The following PI4KA variants were observed in gnomAD, a reference collection of about 807,000 sequenced individuals.
PI4KA encodes the protein PI4-kinase alpha.
A neutral mutation model predicts 271.4 loss-of-function variants in PI4KA; 122 were observed. The observed-to-expected ratio is 0.45, with a 90% CI of 0.39 to 0.52. PI4KA has a LOEUF of 0.52. Ranked by LOEUF, PI4KA falls within the 20% of genes least tolerant of loss-of-function variation. The probability of loss-of-function intolerance (pLI) is 0.00; values close to 1 mark genes in which losing one functional copy is unlikely to be tolerated. For missense variants in PI4KA, 1,969 were observed against 2,769.1 expected (o/e 0.71, Z 6.48); for synonymous variants, 1,041 against 1,078.8 (o/e 0.96, Z 0.69).
chr22:20,757,032 G>A (rs967252654), intron 23 of PI4KA, among the ~76,000 whole-genome samples: 17 of 152,204 alleles, frequency 1.1e-4, no homozygotes, highest in African/African-American at 3.6e-4. Context: ...GTGGGCAGGT[G>A]AGCAGCAGGC....
intron 19 of PI4KA, among the ~76,000 whole-genome samples, chr22:20,778,685 A>G (rs772591944): frequency 6.6e-6 from 1 of 152,158 alleles, no homozygotes; most frequent in Non-Finnish European, 1.5e-5. Flanking sequence ...TCACACAGGC[A>G]TGGCTGAGTC....
chr22:20,769,529 C>T lies in PI4KA; in HGVS notation c.2329-3836G>A, dbSNP rs547396370. On this transcript the variant is annotated intron_variant, in intron 19 of 54. Transcript: ENST00000255882. ...CTAAAAATACAAAAAATTAGCCAGG[C>T]GTGGTGGCACACACCTGTAGTCCCA... 4.6e-5 allele frequency among the ~76,000 whole-genome samples: 7 copies of T among 152,008 alleles called. No homozygotes were observed. The East Asian group carries it at 9.7e-4, about 21-fold the overall frequency.
Position 20,717,764 on chromosome 22 carries a change from C to T in PI4KA, c.5261G>A (p.Gly1754Asp). The stretch of plus-strand genomic sequence containing the variant: ...CAGACAAGCCTTCTTTCTCTCGTCG[C>T]CTTTAGGGTAGGGCCTGAGAAACAG... ...VSAIIKPYPKGDERKKACLSA... is the reference protein window; with the variant it reads ...VSAIIKPYPKDDERKKACLSA... Residue 1754 changes from glycine to aspartate, a missense_variant, in exon 45 of 55, where the codon GGC becomes GAC. Transcript: ENST00000255882. 3 of 1,572,510 alleles carry T rather than the reference C, an allele frequency of 1.9e-6. No individual in the cohort carries two copies. Among genetic ancestry groups the T allele is most frequent in the Non-Finnish European group, 2.6e-6 (3 of 1,157,082 alleles).
chr22:20,844,855 T>C (rs111712344), intron 1 of PI4KA, among the ~76,000 whole-genome samples: 172 of 152,256 alleles, frequency 1.1e-3, no homozygotes, highest in African/African-American at 4.0e-3. Context: ...AAAGTCCTAA[T>C]GCAGGATAAA....
At chr22:20,765,772 C>G in intron 19 of PI4KA, 79 bp from the exon 20 acceptor site, 1 of 874,426 alleles carries the variant, frequency 1.1e-6, no homozygotes, top group South Asian at 1.4e-5. Context: ...AAATCAACCA[C>G]AGATTCATTC....
chr22:20,817,734 C>A lies in PI4KA; in HGVS notation c.856+749G>T, dbSNP rs552040256. Among the ~76,000 whole-genome samples, 24 of 13,946 alleles carry A rather than the reference C, an allele frequency of 1.7e-3. 1 individual carries two copies. Among genetic ancestry groups the A allele is most frequent in the African/African-American group, 3.3e-3 (14 of 4,244 alleles). The allele number at this position is 13,946 out of a possible 152,430, so 9.1% of individuals were successfully genotyped here. A position where few individuals can be genotyped will look rare whatever the true frequency, so the allele number is the denominator to read the frequency against. On this transcript the variant is annotated intron_variant, in intron 7 of 54. Transcript: ENST00000255882. The stretch of plus-strand genomic sequence containing the variant: ...GGGTGGCAGAGTGAGACTCTCTCTC[C>A]AAAAAAAAAAAAAAAAAAAAAAAAA...
chr22:20,753,256 T>C, intron 23 of PI4KA, 76 bp from the exon 24 acceptor site: 1 of 1,368,856 alleles, frequency 7.3e-7, no homozygotes, highest in Non-Finnish European at 1.0e-6. Flanking sequence ...CATTTTCTTT[T>C]GAAATGATTT....
chr22:20,714,332 G>T, intron 47 of PI4KA, 126 bp downstream of exon 47: 1 of 1,495,480 alleles, frequency 6.7e-7, no homozygotes, highest in Non-Finnish European at 8.9e-7. Flanking sequence ...ACTGAGTGAG[G>T]GCAGACAGAT....
intron 42 of PI4KA, 40 bp downstream of exon 42, chr22:20,726,446 ACT>A (rs1253641608): frequency 6.6e-7 from 1 of 1,507,386 alleles, no homozygotes; most frequent in African/African-American, 1.5e-5. Context: ...TGTGGAACAC[ACT>A]CTGTGAGTGA....
intron 28 of PI4KA, among the ~76,000 whole-genome samples, chr22:20,749,122 T>C (rs1930408321): frequency 1.3e-5 from 2 of 152,212 alleles, no homozygotes; most frequent in South Asian, 4.1e-4. Flanking sequence ...GCCCTTTTGC[T>C]GTAAATGAAC....
chr22:20,834,351 C>T (rs774988894), intron 3 of PI4KA, among the ~76,000 whole-genome samples: 40 of 152,166 alleles, frequency 2.6e-4, no homozygotes, highest in Non-Finnish European at 5.0e-4. Flanking sequence ...GGAAAGCTGG[C>T]CTACCCAGGC....
chr22:20,763,377 T>C (rs1449654538), intron 22 of PI4KA, among the ~76,000 whole-genome samples: 1 of 151,672 alleles, frequency 6.6e-6, no homozygotes, highest in Non-Finnish European at 1.5e-5. Flanking sequence ...CCCAAAGTGT[T>C]GGGATGACAG....
chr22:20,850,504 C>T (rs1035027402), intron 1 of PI4KA, among the ~76,000 whole-genome samples: 2 of 151,750 alleles, frequency 1.3e-5, no homozygotes, highest in Non-Finnish European at 2.9e-5. Context: ...AGTGCAGTGG[C>T]GTGATCTCAG....
At chr22:20,733,956 G>A (rs916389150) in intron 34 of PI4KA, 87 bp downstream of exon 34, 60 of 1,522,128 alleles carry the variant, frequency 3.9e-5, no homozygotes, top group Non-Finnish European at 4.9e-5. Flanking sequence ...TGTGTTCCCC[G>A]TCTACAGAAG....
chr22:20,750,683 C>T (rs1930583190), intron 27 of PI4KA, among the ~76,000 whole-genome samples: 1 of 152,350 alleles, frequency 6.6e-6, no homozygotes, highest in South Asian at 2.1e-4. Flanking sequence ...CCACACCACT[C>T]TGTGGGAAAC....
At position 20,713,293 on chromosome 22, in the gene PI4KA, G is replaced by A. The variant is rs769816691; in HGVS notation, c.5559C>T (p.Asp1853=). The stretch of plus-strand genomic sequence containing the variant: ...TGACCCTGCTTACCTGCCGGCAGTC[G>A]TCTCCCACCTTGAAGATGGCTGCCT... The part of the protein sequence containing the change: ...SWQAAIFKVG[D]DCRQDMLALQ... Residue 1853 remains aspartate (D), a synonymous_variant, in exon 48 of 55, where the codon GAC becomes GAT. Coordinates refer to ENST00000255882, the MANE Select transcript of PI4KA (RefSeq NM_058004.4). 175 of 1,585,546 alleles carry A rather than the reference G, an allele frequency of 1.1e-4. No individual in the cohort carries two copies. The highest frequency in any genetic ancestry group is 3.5e-4 in the Middle Eastern group (2 of 5,678).
intron 39 of PI4KA, 33 bp from the exon 40 acceptor site, chr22:20,727,897 C>T (rs1927561489): frequency 6.4e-7 from 1 of 1,552,946 alleles, no homozygotes. Context: ...GTGGTGCTGC[C>T]TCGCCAGGGA....
chr22:20,742,660 C>T lies in PI4KA; in HGVS notation c.3561G>A (p.Gln1187=). 4 of 1,614,154 alleles carry T rather than the reference C, an allele frequency of 2.5e-6. No homozygotes were observed. The highest frequency in any genetic ancestry group is 3.4e-6 in the Non-Finnish European group (4 of 1,179,996). ...LHSALDRSHP[Q]HYTQAMFKLT... ...GCTTGAACATGGCCTGCGTGTAGTG[C>T]TGAGGATGACTGCGGTCTAAAGCTG... The change falls in exon 31 of 55, where the codon CAG becomes CAA. Residue 1187 remains glutamine (Q), a synonymous_variant. Coordinates refer to ENST00000255882, the MANE Select transcript of PI4KA (RefSeq NM_058004.4).
intron 19 of PI4KA, among the ~76,000 whole-genome samples, chr22:20,782,347 C>T (rs1158892230): frequency 1.3e-5 from 2 of 152,220 alleles, no homozygotes; most frequent in African/African-American, 4.8e-5. Flanking sequence ...AATGCTTCTG[C>T]TTCCTTTCCC....
Sources: gnomAD v4.1 joint callset for allele counts (sites outside exome capture counted in the v4.1 genomes callset) on GRCh38, gnomAD v4.1.1 for gene constraint, MANE v1.5 for transcripts, NCBI Gene and HGNC (gene_info 2026-07-23, HGNC 2026-07-21) for gene names.